KLHL22: variants seen among roughly 807,000 people sequenced by gnomAD.
KLHL22 encodes the protein kelch-like protein 22.
Under a neutral mutation model 60.7 loss-of-function variants are expected in KLHL22, and 18 were observed. That is an observed-to-expected ratio of 0.30 (90% CI 0.20 to 0.44). The LOEUF (loss-of-function observed/expected upper bound fraction) is 0.44. KLHL22 is among the 20% of genes least tolerant of loss of function. The probability of loss-of-function intolerance (pLI) is 1.00; values close to 1 mark genes in which losing one functional copy is unlikely to be tolerated. For synonymous variants in KLHL22, 355 were observed against 354.5 expected (o/e 1.00, Z -0.01); for missense variants, 596 against 852.3 (o/e 0.70, Z 3.74).
intron 5 of KLHL22, chr22:20,450,928 C>T: frequency 2.5e-6 from 4 of 1,612,298 alleles, no homozygotes; most frequent in Non-Finnish European, 3.4e-6. Flanking sequence ...GATGCAGGGA[C>T]CCAGGACAAG....
At chr22:20,469,076 C>T (rs1238633216) in intron 3 of KLHL22, among the ~76,000 whole-genome samples, 1 of 152,072 alleles carries the variant, frequency 6.6e-6, no homozygotes, top group Non-Finnish European at 1.5e-5. Flanking sequence ...AGAGAGACTG[C>T]AGGCCTCCAA....
intron 5 of KLHL22, among the ~76,000 whole-genome samples, chr22:20,455,981 A>C (rs1037767809): frequency 6.6e-6 from 1 of 152,162 alleles, no homozygotes; most frequent in East Asian, 1.9e-4. Context: ...ATGTACCTTC[A>C]CTTTTGCAAT....
intron 5 of KLHL22, chr22:20,450,714 T>C: frequency 7.2e-7 from 1 of 1,387,664 alleles, no homozygotes; most frequent in Non-Finnish European, 1.0e-6. Context: ...TCTTTGAGGC[T>C]GTCATCAGTT....
At chr22:20,448,976 A>T (rs150421831) in intron 5 of KLHL22, among the ~76,000 whole-genome samples, 6 of 152,280 alleles carry the variant, frequency 3.9e-5, no homozygotes, top group Admixed American at 2.0e-4. Context: ...ATCTCCTTAT[A>T]TGCTTATTTG....
At chr22:20,485,528 G>C (rs974069873) in intron 2 of KLHL22, among the ~76,000 whole-genome samples, 1 of 152,146 alleles carries the variant, frequency 6.6e-6, no homozygotes, top group South Asian at 2.1e-4. Context: ...CAGAGGAGGA[G>C]GCATCTCAGG....
intron 5 of KLHL22, among the ~76,000 whole-genome samples, chr22:20,453,268 C>G (rs1398719182): frequency 6.8e-6 from 1 of 146,908 alleles, no homozygotes; most frequent in Non-Finnish European, 1.5e-5. Flanking sequence ...TTCTTTTTTT[C>G]TAGAAGTTTT....
At chr22:20,479,347 C>T (rs1423843381) in intron 2 of KLHL22, among the ~76,000 whole-genome samples, 1 of 152,036 alleles carries the variant, frequency 6.6e-6, no homozygotes, top group African/African-American at 2.4e-5. Context: ...GTTGTTCACA[C>T]CTCATATCCA....
intron 5 of KLHL22, chr22:20,456,070 A>G (rs1163878940): frequency 6.6e-6 from 1 of 152,186 alleles, no homozygotes; most frequent in Non-Finnish European, 1.5e-5. Flanking sequence ...CCGAGGACAC[A>G]TTCCCAGTAA....
chr22:20,475,624 C>T (rs997175317), intron 2 of KLHL22, among the ~76,000 whole-genome samples: 1 of 151,616 alleles, frequency 6.6e-6, no homozygotes, highest in Non-Finnish European at 1.5e-5. Flanking sequence ...TGCAGCAGCG[C>T]GATCTCGGCT....
At chr22:20,474,264 G>A (rs889290004) in intron 2 of KLHL22, among the ~76,000 whole-genome samples, 22 of 152,198 alleles carry the variant, frequency 1.4e-4, no homozygotes, top group Non-Finnish European at 5.9e-5. Flanking sequence ...CTCCCAAAGG[G>A]CTGGGATTAC....
chr22:20,476,794 C>T (rs2053422473), intron 2 of KLHL22, among the ~76,000 whole-genome samples: 2 of 149,736 alleles, frequency 1.3e-5, no homozygotes, highest in Admixed American at 6.6e-5. Flanking sequence ...CTGCAACCTC[C>T]GCCTACCACG....
chr22:20,479,136 A>G (rs1251625800), intron 2 of KLHL22, among the ~76,000 whole-genome samples: 2 of 151,756 alleles, frequency 1.3e-5, no homozygotes, highest in Non-Finnish European at 2.9e-5. Flanking sequence ...CTCAAAAAAA[A>G]AAAATTCATT....
chr22:20,454,211 C>A (rs892611067), intron 5 of KLHL22, among the ~76,000 whole-genome samples: 1 of 152,014 alleles, frequency 6.6e-6, no homozygotes, highest in Non-Finnish European at 1.5e-5. Flanking sequence ...CACCTGTAAT[C>A]CCAGCTACTT....
chr22:20,455,728 G>A (rs1330049992), intron 5 of KLHL22, among the ~76,000 whole-genome samples: 1 of 152,194 alleles, frequency 6.6e-6, no homozygotes, highest in Non-Finnish European at 1.5e-5. Context: ...GTTCACTGCA[G>A]TGGTAAAAAA....
intron 2 of KLHL22, among the ~76,000 whole-genome samples, chr22:20,486,300 T>A (rs972657172): frequency 5.9e-5 from 9 of 152,016 alleles, no homozygotes; most frequent in African/African-American, 2.2e-4. Context: ...TCCTTCCAGA[T>A]CTTCATGGTT....
At chr22:20,446,392 TGA>T in intron 6 of KLHL22, 49 bp downstream of exon 6, 1 of 1,033,530 alleles carries the variant, frequency 9.7e-7, no homozygotes, top group Non-Finnish European at 1.5e-6. Flanking sequence ...CAATAACAAC[TGA>T]GAGGCTTGGG....
In KLHL22 at chr22:20,442,034, C is replaced by T. The variant is rs2052766388; in HGVS notation, c.*39G>A. The T allele has an allele frequency of 2.7e-6, 4 of 1,489,688 alleles. No homozygotes were observed. The highest frequency in any genetic ancestry group is 3.6e-6 in the Non-Finnish European group (4 of 1,119,590). 92.3% of individuals were successfully genotyped at this position (1,489,688 alleles called of 1,614,324 possible). On this transcript the variant is annotated 3_prime_UTR_variant, in exon 7 of 7. Coordinates refer to ENST00000328879, the MANE Select transcript of KLHL22 (RefSeq NM_032775.4). ...CTGCGTGGGTTTCACTGCCCTGCAG[C>T]CCCAGCCTCCCTTCCCTCTGATGCC...
At chr22:20,490,266 A>G (rs1029371925) in intron 1 of KLHL22, among the ~76,000 whole-genome samples, 5 of 152,222 alleles carry the variant, frequency 3.3e-5, no homozygotes, top group Non-Finnish European at 7.3e-5. Flanking sequence ...AATGTTGGGG[A>G]TACATTCTGA....
chr22:20,479,887 G>A lies in KLHL22; in HGVS notation c.228-8372C>T, dbSNP rs79593841. ...CCAAAGAACTGAAAGCAGAGTCTCAGACATTTGCACACCCATGTTCATAGC... is the reference window on the plus strand; with the variant it reads ...CCAAAGAACTGAAAGCAGAGTCTCAAACATTTGCACACCCATGTTCATAGC... On this transcript the variant is annotated intron_variant, in intron 2 of 6. Coordinates refer to ENST00000328879, the MANE Select transcript of KLHL22 (RefSeq NM_032775.4). 5.4e-3 allele frequency among the ~76,000 whole-genome samples: 822 copies of A among 152,276 alleles called. 11 individuals carry two copies. Among genetic ancestry groups the A allele is most frequent in the African/African-American group, 0.019 (773 of 41,556 alleles).
Sources: allele counts gnomAD v4.1 joint callset (sites outside exome capture counted in the v4.1 genomes callset), GRCh38; gene constraint gnomAD v4.1.1; transcripts MANE v1.5; gene names NCBI Gene and HGNC (gene_info 2026-07-23, HGNC 2026-07-21).